The following TCEA1 variants were observed in gnomAD, a reference collection of about 807,000 sequenced individuals.
The protein encoded by TCEA1 is transcription elongation factor A protein 1.
Under a neutral mutation model 43.8 loss-of-function variants are expected in TCEA1, and 21 were observed. The observed-to-expected ratio is 0.48, with a 90% CI of 0.34 to 0.69. TCEA1 has a LOEUF of 0.69. TCEA1 is among the 30% of genes least tolerant of loss of function. TCEA1 has a pLI of 0.01. For synonymous variants in TCEA1, 104 were observed against 117.5 expected, an observed-to-expected ratio of 0.88 and a Z score of 0.75; for missense variants, 250 against 365.1, an observed-to-expected ratio of 0.68 and a Z score of 2.57.
At chr8:53,978,807 T>C (rs1803413740) in intron 8 of TCEA1, 3 of 432,108 alleles carry the variant, frequency 6.9e-6, no homozygotes, top group East Asian at 3.4e-5. Context: ...GCCTAATTTA[T>C]AAATAAAACT....
At position 53,988,250 on chromosome 8, in the gene TCEA1, G is replaced by T. The variant is rs762104105; in HGVS notation, c.330C>A (p.Ser110Arg). Residue 110 changes from serine to arginine, a missense_variant, in exon 5 of 10, where the codon AGC becomes AGA. Transcript: ENST00000521604. ...CATCCTTTCTGTTGCTTACATTGCC[G>T]CTGGAAGTACTGAAATACGCACAAA... ...SPEAREESTS[S>R]GNVSNRKDET... is the part of the protein sequence containing the mutation. 6.2e-7 allele frequency: 1 copy of T among 1,612,360 alleles called. No homozygotes were observed.
chr8:53,983,582 C>T (rs1038301099), intron 7 of TCEA1, among the ~76,000 whole-genome samples: 3 of 152,098 alleles, frequency 2.0e-5, no homozygotes, highest in East Asian at 3.9e-4. Context: ...GCAGGAGAAT[C>T]GCTTGAACCC....
At chr8:53,977,971 T>C (rs893031139) in intron 8 of TCEA1, among the ~76,000 whole-genome samples, 3 of 152,234 alleles carry the variant, frequency 2.0e-5, no homozygotes, top group African/African-American at 4.8e-5. Context: ...CAATTGCTTA[T>C]GAACTTTTAA....
rs1306433376 is a variant in TCEA1, at chr8:53,968,450, T to C, written c.898-338A>G. On this transcript the variant is annotated intron_variant, in intron 9 of 9. Transcript: ENST00000521604. ...TAGGCATCAGCTTTCTATCCTAAAATTGAACTTTCTTAAATTCAATTAAGT... is the reference window on the plus strand; with the variant it reads ...TAGGCATCAGCTTTCTATCCTAAAACTGAACTTTCTTAAATTCAATTAAGT... Among the ~76,000 whole-genome samples, 6 of 152,186 alleles carry C rather than the reference T, an allele frequency of 3.9e-5. No individual in the cohort carries two copies. In the East Asian group the frequency reaches 9.6e-4, roughly 24 times the overall value.
chr8:53,997,882 A>G (rs1804115130), intron 3 of TCEA1, among the ~76,000 whole-genome samples: 1 of 152,218 alleles, frequency 6.6e-6, no homozygotes, highest in South Asian at 2.1e-4. Context: ...CAAAACAAAA[A>G]AAGTGGTGGG....
At chr8:53,986,822 G>A (rs1187663888) in intron 6 of TCEA1, 147 bp downstream of exon 6, 2 of 622,614 alleles carry the variant, frequency 3.2e-6, no homozygotes, top group Non-Finnish European at 5.6e-6. Flanking sequence ...ATCCTCTTCT[G>A]CTTCTGTTTT....
chr8:54,007,602 G>C (rs1047205265), intron 2 of TCEA1, among the ~76,000 whole-genome samples: 1 of 152,206 alleles, frequency 6.6e-6, no homozygotes, highest in Admixed American at 6.5e-5. Context: ...TTTAGTTTTA[G>C]TCGTAAATAC....
At chr8:54,014,722 C>T (rs1025028103) in intron 1 of TCEA1, among the ~76,000 whole-genome samples, 19 of 152,310 alleles carry the variant, frequency 1.2e-4, no homozygotes, top group African/African-American at 4.3e-4. Flanking sequence ...CATCCCTCTC[C>T]TCAAGGAGAT....
intron 3 of TCEA1, among the ~76,000 whole-genome samples, chr8:53,998,125 A>C (rs1053575358): frequency 6.6e-6 from 1 of 152,234 alleles, no homozygotes; most frequent in Non-Finnish European, 1.5e-5. Context: ...TAAAATACAC[A>C]TTAATGATGG....
intron 1 of TCEA1, 99 bp from the exon 2 acceptor site, chr8:54,010,591 A>G: frequency 2.1e-6 from 2 of 934,572 alleles, no homozygotes; most frequent in Non-Finnish European, 3.2e-6. Flanking sequence ...ACAGCTAAAG[A>G]GGAATAAAAT....
At chr8:53,970,353 T>A (rs1803120758) in intron 9 of TCEA1, 39 bp downstream of exon 9, 1 of 1,351,954 alleles carries the variant, frequency 7.4e-7, no homozygotes, top group Admixed American at 1.7e-5. Context: ...TCTTTCTATT[T>A]TAAGTGAGTA....
At chr8:54,006,222 TTA>T (rs1804452167) in intron 2 of TCEA1, among the ~76,000 whole-genome samples, 1 of 152,218 alleles carries the variant, frequency 6.6e-6, no homozygotes, top group Non-Finnish European at 1.5e-5. Flanking sequence ...ACATCTTTGT[TTA>T]TATGTCAGTT....
At chr8:54,021,608 G>A (rs1348678036) in intron 1 of TCEA1, 1 of 153,764 alleles carries the variant, frequency 6.5e-6, no homozygotes, top group Admixed American at 6.5e-5. Context: ...AGACACAGAA[G>A]TTTTACATTT....
At chr8:54,017,299 T>C (rs1804862255) in intron 1 of TCEA1, among the ~76,000 whole-genome samples, 1 of 152,160 alleles carries the variant, frequency 6.6e-6, no homozygotes, top group Non-Finnish European at 1.5e-5. Flanking sequence ...TAACATGGGT[T>C]TAAACTGCAC....
chr8:54,010,211 T>C (rs1408713936), intron 2 of TCEA1: 5 of 420,976 alleles, frequency 1.2e-5, no homozygotes, highest in Non-Finnish European at 2.1e-5. Context: ...CTGCCAACTT[T>C]AGAGATTCAG....
chr8:54,009,085 G>A (rs992293201), intron 2 of TCEA1, among the ~76,000 whole-genome samples: 1 of 151,604 alleles, frequency 6.6e-6, no homozygotes, highest in Non-Finnish European at 1.5e-5. Context: ...CCTAGCCTCA[G>A]GTGATCCACC....
chr8:53,991,945 A>T (rs994608408), intron 4 of TCEA1, among the ~76,000 whole-genome samples: 1 of 152,026 alleles, frequency 6.6e-6, no homozygotes. Flanking sequence ...CATTAACATG[A>T]AGAGTACATG....
intron 1 of TCEA1, among the ~76,000 whole-genome samples, chr8:54,012,438 T>C (rs1261471121): frequency 1.3e-5 from 2 of 152,136 alleles, no homozygotes; most frequent in Non-Finnish European, 1.5e-5. Flanking sequence ...CGGGTGCCTG[T>C]AATCCCAGCT....
chr8:53,987,050 C>T lies in TCEA1; in HGVS notation c.467-25G>A, dbSNP rs752928191. 15 of 1,563,920 alleles carry T rather than the reference C, an allele frequency of 9.6e-6. No homozygotes were observed. The South Asian group carries it at 1.6e-4, about 16-fold the overall frequency. On this transcript the variant is annotated intron_variant, in intron 5 of 9. Transcript: ENST00000521604. ...TCTAAAAATAGGCATAAAGAATTGT[C>T]AAATTATTGTAACAGATTAAAAGAA...
Sources: allele counts gnomAD v4.1 joint callset (sites outside exome capture counted in the v4.1 genomes callset), GRCh38; gene constraint gnomAD v4.1.1; transcripts MANE v1.5; gene names NCBI Gene and HGNC (gene_info 2026-07-23, HGNC 2026-07-21).